Variants in THRB observed in about 807,000 individuals in gnomAD.
THRB encodes thyroid hormone receptor beta, also known as nuclear receptor subfamily 1 group A member 2.
Under a neutral mutation model 47.8 loss-of-function variants are expected in THRB, and 12 were observed. The ratio of observed to expected loss-of-function variants is 0.25; its 90% CI spans 0.16 to 0.41. THRB has a LOEUF of 0.41. Ranked by LOEUF, THRB falls within the 10% of genes least tolerant of loss-of-function variation. THRB has a pLI of 1.00. For missense variants in THRB, 348 were observed against 589.2 expected, an observed-to-expected ratio of 0.59 and a Z score of 4.24; for synonymous variants, 218 against 212.2, an observed-to-expected ratio of 1.03 and a Z score of -0.24.
At chr3:24,381,112 TCAA>T (rs2065678734) in intron 1 of THRB, among the ~76,000 whole-genome samples, 1 of 81,572 alleles carries the variant, frequency 1.2e-5, no homozygotes, top group African/African-American at 4.7e-5. Context: ...AGACTCTGCC[TCAA>T]AAAAAAAAAA....
intron 4 of THRB, among the ~76,000 whole-genome samples, chr3:24,206,905 G>A (rs2045431110): frequency 6.6e-6 from 1 of 152,100 alleles, no homozygotes; most frequent in Admixed American, 6.5e-5. Flanking sequence ...TAGAAGAAAT[G>A]GATAAATTCC....
In THRB at chr3:24,244,338, AG is replaced by A. The variant is rs202233254; in HGVS notation, c.-42-15338del. ...TTAAAGACAGAGCTGAAAAAGAAAT[AG>A]GCTATTATTATTTCTTGTCAGGCAT... On this transcript the variant is annotated intron_variant, in intron 3 of 10. Coordinates refer to ENST00000646209, the MANE Select transcript of THRB (RefSeq NM_001354712.2). Among the ~76,000 whole-genome samples, 421 of 152,290 alleles carry A rather than the reference AG, an allele frequency of 2.8e-3. 10 individuals are homozygous for A. Among genetic ancestry groups the A allele is most frequent in the East Asian group, 0.025 (132 of 5,192 alleles).
chr3:24,270,902 A>G (rs986456304), intron 3 of THRB, among the ~76,000 whole-genome samples: 10 of 152,172 alleles, frequency 6.6e-5, no homozygotes, highest in Admixed American at 3.9e-4. Flanking sequence ...TTAGGATTCT[A>G]CCTATTTAGT....
At chr3:24,445,853 T>C (rs1441618485) in intron 1 of THRB, among the ~76,000 whole-genome samples, 2 of 152,218 alleles carry the variant, frequency 1.3e-5, no homozygotes, top group Non-Finnish European at 2.9e-5. Context: ...CATTCAACCA[T>C]AGACGTACAT....
At chr3:24,411,689 C>T (rs6550865) in intron 1 of THRB, among the ~76,000 whole-genome samples, 94,742 of 151,516 alleles carry the variant, frequency 0.63, 30,004 homozygotes, top group Non-Finnish European at 0.66. Context: ...TTTGGCAATA[C>T]CTGGGAACAT....
At chr3:24,452,154 C>G (rs552220455) in intron 1 of THRB, among the ~76,000 whole-genome samples, 1 of 152,230 alleles carries the variant, frequency 6.6e-6, no homozygotes, top group South Asian at 2.1e-4. Flanking sequence ...AATGACAGAT[C>G]TTGAGGTGAA....
chr3:24,278,051 T>C (rs2054121725), intron 3 of THRB, among the ~76,000 whole-genome samples: 1 of 152,192 alleles, frequency 6.6e-6, no homozygotes, highest in African/African-American at 2.4e-5. Context: ...GATGAAGGGC[T>C]TGGGGATTTA....
In THRB at chr3:24,190,203, C is replaced by G; in HGVS notation, c.154G>C (p.Glu52Gln). The G allele has an allele frequency of 6.2e-7, 1 of 1,614,128 alleles. No homozygotes were observed. The highest frequency in any genetic ancestry group is 1.3e-5 in the African/African-American group (1 of 75,050). Residue 52 changes from glutamate to glutamine, a missense_variant, in exon 5 of 11, where the codon GAA (glutamate) becomes CAA (glutamine). By Grantham distance (29) the Glu-to-Gln change is conservative (BLOSUM62 2). Around this residue, in one of 5 missense-constraint regions of THRB, gnomAD observed 148 missense variants for 122.3 expected, o/e 1.21. Coordinates refer to ENST00000646209, the MANE Select transcript of THRB (RefSeq NM_001354712.2). ...TGGATGAGATGTGGCGACGACTGTT[C>G]ATTTTTCAACGTGCTGCGCCTCTCT... is the stretch of plus-strand genomic sequence containing the variant. Reference protein sequence around the residue: ...HSERRSTLKNEQSSPHLIQTT... With the variant: ...HSERRSTLKNQQSSPHLIQTT...
At chr3:24,407,358 G>A (rs191221652) in intron 1 of THRB, among the ~76,000 whole-genome samples, 91 of 148,456 alleles carry the variant, frequency 6.1e-4, no homozygotes, top group African/African-American at 1.9e-3. Context: ...TTTTTTTTCC[G>A]GTAAGAAATA....
rs1016902323 is a variant in THRB, at chr3:24,117,831, A to G, written c.*5053T>C. On this transcript the variant is annotated 3_prime_UTR_variant, in exon 11 of 11. Coordinates refer to ENST00000646209, the MANE Select transcript of THRB (RefSeq NM_001354712.2). ...GTTACTTGTCATAGAAAGAATCTCAATTAACATGTGTTCAGGGCAACAGAG... is the reference window on the plus strand; with the variant it reads ...GTTACTTGTCATAGAAAGAATCTCAGTTAACATGTGTTCAGGGCAACAGAG... 1.3e-5 allele frequency: 2 copies of G among 152,258 alleles called. No homozygotes were observed. The highest frequency in any genetic ancestry group is 4.1e-4 in the South Asian group (2 of 4,832). The allele number at this position is 152,258 out of a possible 1,614,324, so 9.4% of individuals were successfully genotyped here.
chr3:24,144,710 GGAACTTA>G (rs2035875511), intron 7 of THRB: 1 of 152,098 alleles, frequency 6.6e-6, no homozygotes, highest in African/African-American at 2.4e-5. Context: ...GAACTGGAAG[GGAACTTA>G]GACGTCATCT....
In THRB at chr3:24,314,631, G is replaced by A. The variant is rs577507790; in HGVS notation, c.-188-17260C>T. Among the ~76,000 whole-genome samples the A allele has an allele frequency of 2.0e-5, 3 of 152,256 alleles. No individual in the cohort carries two copies. In the South Asian group the frequency reaches 6.2e-4, roughly 32 times the overall value. ...AGTGTCTTCCTTGCTCTGTGCTTCA[G>A]TCCTTCTCATGCTTAAAAATAGCTG... On this transcript the variant is annotated intron_variant, in intron 2 of 10. Transcript: ENST00000646209.
At chr3:24,202,396 T>C (rs2044697059) in intron 4 of THRB, among the ~76,000 whole-genome samples, 1 of 152,170 alleles carries the variant, frequency 6.6e-6, no homozygotes, top group Non-Finnish European at 1.5e-5. Flanking sequence ...TTAAGACTCC[T>C]TTTTTTCATC....
chr3:24,289,341 G>C (rs1280421308), intron 3 of THRB, among the ~76,000 whole-genome samples: 1 of 152,150 alleles, frequency 6.6e-6, no homozygotes, highest in Non-Finnish European at 1.5e-5. Context: ...AATGTGCTTG[G>C]ATGCATATTC....
At chr3:24,290,164 A>G (rs1214082778) in intron 3 of THRB, among the ~76,000 whole-genome samples, 3 of 152,234 alleles carry the variant, frequency 2.0e-5, no homozygotes, top group African/African-American at 7.2e-5. Flanking sequence ...GAAAAACCTC[A>G]AAACACTAGC....
chr3:24,222,748 C>G (rs2047283630), intron 4 of THRB, among the ~76,000 whole-genome samples: 1 of 152,100 alleles, frequency 6.6e-6, no homozygotes, highest in Non-Finnish European at 1.5e-5. Context: ...AAAAAGGCCC[C>G]CATCACATTG....
intron 1 of THRB, among the ~76,000 whole-genome samples, chr3:24,429,534 C>T (rs548967789): frequency 6.6e-6 from 1 of 152,134 alleles, no homozygotes; most frequent in South Asian, 2.1e-4. Context: ...CCATTGAGCT[C>T]TGTCCTGTCA....
chr3:24,298,518 A>T (rs1458203074), intron 2 of THRB, among the ~76,000 whole-genome samples: 3 of 152,228 alleles, frequency 2.0e-5, no homozygotes. Flanking sequence ...TTTGTTTATG[A>T]TTATTTTAAA....
intron 2 of THRB, among the ~76,000 whole-genome samples, chr3:24,327,725 T>A (rs1051129549): frequency 6.6e-6 from 1 of 152,224 alleles, no homozygotes; most frequent in African/African-American, 2.4e-5. Context: ...TCAAGAGCTG[T>A]CCTTGTTGGG....
Sources: gnomAD v4.1 joint callset for allele counts (sites outside exome capture counted in the v4.1 genomes callset) on GRCh38, gnomAD v4.1.1 for gene constraint, gnomAD v4.1.1 regional missense constraint, MANE v1.5 for transcripts, NCBI Gene and HGNC (gene_info 2026-07-23, HGNC 2026-07-21) for gene names.